NT5M: variants seen among roughly 807,000 people sequenced by gnomAD.
The protein encoded by NT5M is 5'(3')-deoxyribonucleotidase, mitochondrial.
A neutral mutation model predicts 22.2 loss-of-function variants in NT5M; 22 were observed. That is an observed-to-expected ratio of 0.99 (90% CI 0.71 to 1.41). The LOEUF (loss-of-function observed/expected upper bound fraction) is 1.41, where lower values mean the gene tolerates loss of function less well. NT5M is among the 40% of genes most tolerant of loss of function. The pLI, the probability that NT5M is intolerant of heterozygous loss-of-function variation, is 0.00. For missense variants in NT5M, 322 were observed against 314.8 expected (o/e 1.02, Z -0.17); for synonymous variants, 167 against 133.0 (o/e 1.26, Z -1.76).
At chr17:17,329,401 C>T (rs916677061) in intron 3 of NT5M, among the ~76,000 whole-genome samples, 3 of 152,212 alleles carry the variant, frequency 2.0e-5, no homozygotes, top group Non-Finnish European at 2.9e-5. Flanking sequence ...CTCTGCTCCT[C>T]GGCCTCACTG....
chr17:17,307,169 G>C (rs1449131405), intron 2 of NT5M, among the ~76,000 whole-genome samples: 1 of 152,190 alleles, frequency 6.6e-6, no homozygotes, highest in Non-Finnish European at 1.5e-5. Flanking sequence ...TTGCACTCCA[G>C]CCTGGGCAAG....
At chr17:17,341,018 T>C (rs1409822840) in intron 3 of NT5M, among the ~76,000 whole-genome samples, 2 of 152,316 alleles carry the variant, frequency 1.3e-5, no homozygotes, top group Non-Finnish European at 2.9e-5. Flanking sequence ...TATGTTGTAC[T>C]TCCATTATCA....
At chr17:17,343,283 A>G (rs1179137417) in intron 3 of NT5M, among the ~76,000 whole-genome samples, 1 of 152,102 alleles carries the variant, frequency 6.6e-6, no homozygotes, top group Admixed American at 6.5e-5. Flanking sequence ...ACACGTGTCC[A>G]TGAAGGAATG....
chr17:17,339,819 A>G (rs1454164127), intron 3 of NT5M, among the ~76,000 whole-genome samples: 4 of 152,200 alleles, frequency 2.6e-5, no homozygotes, highest in African/African-American at 7.2e-5. Context: ...AATCCCTGGG[A>G]TAAGTCCCAC....
intron 2 of NT5M, among the ~76,000 whole-genome samples, chr17:17,315,611 G>A (rs7217503): frequency 0.18 from 27,757 of 151,944 alleles, 2,811 homozygotes; most frequent in African/African-American, 0.24. Context: ...TGCCTGAGCC[G>A]GGCCAGGCCT....
chr17:17,315,757 T>G (rs1272344847), intron 2 of NT5M, among the ~76,000 whole-genome samples: 1 of 133,656 alleles, frequency 7.5e-6, no homozygotes, highest in Non-Finnish European at 1.6e-5. Flanking sequence ...TTTTTGTTTT[T>G]TTTTTTTTTT....
intron 2 of NT5M, among the ~76,000 whole-genome samples, chr17:17,315,668 C>A (rs2049007185): frequency 2.2e-5 from 3 of 135,418 alleles, no homozygotes. Flanking sequence ...GGCACTGGAA[C>A]TTAGGAAGCA....
chr17:17,332,224 G>A (rs758452598), intron 3 of NT5M, among the ~76,000 whole-genome samples: 1 of 152,162 alleles, frequency 6.6e-6, no homozygotes, highest in Non-Finnish European at 1.5e-5. Flanking sequence ...GCTAGGGACT[G>A]TGTCTAGCTC....
At chr17:17,331,781 T>C (rs1402895885) in intron 3 of NT5M, among the ~76,000 whole-genome samples, 4 of 151,360 alleles carry the variant, frequency 2.6e-5, no homozygotes, top group Non-Finnish European at 4.4e-5. Flanking sequence ...TTTTTCTTTT[T>C]CTTTTCTTTT....
intron 3 of NT5M, among the ~76,000 whole-genome samples, chr17:17,342,084 A>G (rs1378147622): frequency 1.3e-5 from 2 of 152,214 alleles, no homozygotes; most frequent in African/African-American, 4.8e-5. Flanking sequence ...ATAAATACAT[A>G]TATACATATA....
At chr17:17,305,269 G>A (rs2066470863) in intron 1 of NT5M, among the ~76,000 whole-genome samples, 3 of 152,024 alleles carry the variant, frequency 2.0e-5, no homozygotes, top group Admixed American at 2.0e-4. Flanking sequence ...GCACGGGGCA[G>A]TAAGGAGGGT....
chr17:17,347,330 A>G lies in NT5M; in HGVS notation c.*383A>G, dbSNP rs542907787. The G allele has an allele frequency of 3.0e-5, 6 of 200,748 alleles. No individual in the cohort carries two copies. In the South Asian group the frequency reaches 6.4e-4, roughly 21 times the overall value. The allele number at this position is 200,748 out of a possible 1,614,324, so 12.4% of individuals were successfully genotyped here. On this transcript the variant is annotated 3_prime_UTR_variant, in exon 5 of 5. Transcript: ENST00000389022. ...GGGGTTCCCTGTTCCCAGAGTCTGCAGCCATCAGCAAGGAGGACCAGGAAC... is the reference window on the plus strand; with the variant it reads ...GGGGTTCCCTGTTCCCAGAGTCTGCGGCCATCAGCAAGGAGGACCAGGAAC...
chr17:17,344,758 T>TC (rs759938859), intron 3 of NT5M, 36 bp from the exon 4 acceptor site: 62 of 1,607,108 alleles, frequency 3.9e-5, no homozygotes, highest in Non-Finnish European at 5.2e-5. Flanking sequence ...GATGTCACTT[T>TC]CTTCTCACCA....
chr17:17,338,285 C>T (rs1044516248), intron 3 of NT5M, among the ~76,000 whole-genome samples: 32 of 152,116 alleles, frequency 2.1e-4, no homozygotes, highest in African/African-American at 7.0e-4. Context: ...GTCCGTCTCC[C>T]GGGTTCAAGT....
intron 1 of NT5M, chr17:17,304,467 C>T: frequency 1.0e-6 from 1 of 981,278 alleles, no homozygotes; most frequent in Non-Finnish European, 1.2e-6. Context: ...GACGTTTACA[C>T]ACAGATCTTG....
intron 4 of NT5M, 140 bp from the exon 5 acceptor site, chr17:17,346,665 G>A: frequency 2.1e-6 from 2 of 933,392 alleles, no homozygotes; most frequent in South Asian, 1.6e-5. Flanking sequence ...TGCGAAGGCG[G>A]GTGTGCGTGC....
rs573553779 is a variant in NT5M at position 17,329,071 on chromosome 17, G to A, written c.429+5826G>A. Among the ~76,000 whole-genome samples the A allele has an allele frequency of 5.3e-5, 8 of 152,188 alleles. No individual in the cohort carries two copies. In the South Asian group the frequency reaches 1.0e-3, roughly 20 times the overall value. Reference sequence around the variant, plus strand: ...TGGCTCACTGCAAGCTCCCCATCCCGGGTTCATGCCATTCTCCTGCCTCAG... The same window carrying A: ...TGGCTCACTGCAAGCTCCCCATCCCAGGTTCATGCCATTCTCCTGCCTCAG... On this transcript the variant is annotated intron_variant, in intron 3 of 4. Transcript: ENST00000389022.
In NT5M at chr17:17,346,883, G is replaced by T; in HGVS notation, c.623G>T (p.Arg208Leu). ...HNQHLQLQPP[R>L]RRLHSWADDW... is the part of the protein sequence containing the mutation. ...CAGCACCTGCAGCTGCAGCCCCCCC[G>T]CCGCAGGCTGCACTCGTGGGCGGAC... The change falls in exon 5 of 5, where the codon CGC (arginine) becomes CTC (leucine). Residue 208 changes from arginine (R) to leucine (L), a missense_variant. Physicochemically the swap from Arg to Leu is moderately radical, Grantham distance 102. Transcript: ENST00000389022. The T allele has an allele frequency of 1.2e-6, 2 of 1,609,776 alleles. No homozygotes were observed. Among genetic ancestry groups the T allele is most frequent in the Non-Finnish European group, 1.7e-6 (2 of 1,179,882 alleles).
In NT5M at chr17:17,303,430, C is replaced by A; in HGVS notation, c.-121C>A. On this transcript the variant is annotated 5_prime_UTR_variant, in exon 1 of 5. Transcript: ENST00000389022. ...CGCGCTCCCCGCCCCGCTCCCCGTC[C>A]CGCGCTCCACGCGCGCCCCAGCGTT... 4 of 989,616 alleles carry A rather than the reference C, an allele frequency of 4.0e-6. No homozygotes were observed. The highest frequency in any genetic ancestry group is 4.8e-6 in the Non-Finnish European group (4 of 831,456). 61.3% of individuals were successfully genotyped at this position (989,616 alleles called of 1,614,324 possible).
Sources: gnomAD v4.1 joint callset for allele counts (sites outside exome capture counted in the v4.1 genomes callset) on GRCh38, gnomAD v4.1.1 for gene constraint, MANE v1.5 for transcripts, NCBI Gene and HGNC (gene_info 2026-07-23, HGNC 2026-07-21) for gene names.